Variants in NT5C3B observed in about 807,000 individuals in gnomAD.
NT5C3B encodes 5'-nucleotidase, cytosolic IIIB, also known as 7-methylguanosine phosphate-specific 5'-nucleotidase.
NT5C3B carries 28 observed loss-of-function variants against 32.5 expected under a neutral mutation model. That is an observed-to-expected ratio of 0.86 (90% CI 0.64 to 1.18). The LOEUF is 1.18. Among genes scored for constraint, NT5C3B ranks in the 50% most tolerant of loss-of-function variants. The probability of loss-of-function intolerance (pLI) is 0.00; values close to 1 mark genes in which losing one functional copy is unlikely to be tolerated. For synonymous variants in NT5C3B, 138 were observed against 118.0 expected, an observed-to-expected ratio of 1.17 and a Z score of -1.10; for missense variants, 317 against 322.0, an observed-to-expected ratio of 0.98 and a Z score of 0.12.
Position 41,825,199 on chromosome 17 carries a change from A to T in NT5C3B, c.*324T>A, listed in dbSNP as rs782506799. 1 of 220,600 alleles carries T rather than the reference A, an allele frequency of 4.5e-6. No individual in the cohort carries two copies. Among genetic ancestry groups the T allele is most frequent in the East Asian group, 9.5e-5 (1 of 10,546 alleles). 13.7% of individuals were successfully genotyped at this position (220,600 alleles called of 1,614,324 possible). A position where few individuals can be genotyped will look rare whatever the true frequency, so the allele number is the denominator to read the frequency against. On this transcript the variant is annotated 3_prime_UTR_variant, in exon 9 of 9. Transcript: ENST00000435506. ...GAGCAGCTTTTTTTTCATTTTAAAA[A>T]TTTTGATCTGTTTCACACATTATAT... is the stretch of plus-strand genomic sequence containing the variant.
rs1410921071 is a variant in NT5C3B, at chr17:41,832,469, C to T, written c.237G>A (p.Ala79=). The T allele has an allele frequency of 3.1e-6, 5 of 1,613,060 alleles. No individual in the cohort carries two copies. Among genetic ancestry groups the T allele is most frequent in the African/African-American group, 2.7e-5 (2 of 74,844 alleles). Residue 79 remains alanine (A), a synonymous_variant, in exon 5 of 9, where the codon GCG becomes GCA. Transcript: ENST00000435506. ...ISEECRKELT[A]LLHHYYPIEI... is the part of the protein sequence containing the mutation. ...CAATTGGGTAATAGTGGTGAAGGAG[C>T]GCTGTGAGCTGGGATATCCAAATGG...
In NT5C3B at chr17:41,830,846, T is replaced by G; in HGVS notation, c.359A>C (p.Lys120Thr). ...HNLLCQQKIQKFQIAQVVRES... is the reference protein window; with the variant it reads ...HNLLCQQKIQTFQIAQVVRES... ...TCTAACCACCTGGGCTATCTGAAAC[T>G]TCTGAATCTTCTGCTGACATAGGAG... Residue 120 changes from lysine (K) to threonine (T), a missense_variant, in exon 6 of 9, where the codon AAG becomes ACG. Lys to Thr is a moderately conservative substitution (Grantham distance 78). Transcript: ENST00000435506. The G allele has an allele frequency of 6.2e-7, 1 of 1,611,932 alleles. No individual in the cohort carries two copies. The highest frequency in any genetic ancestry group is 1.3e-5 in the African/African-American group (1 of 74,876).
intron 4 of NT5C3B, among the ~76,000 whole-genome samples, chr17:41,834,210 A>G (rs2048101784): frequency 6.6e-6 from 1 of 152,078 alleles, no homozygotes; most frequent in Non-Finnish European, 1.5e-5. Context: ...AGCCTGACCA[A>G]CATGGAGAAA....
intron 8 of NT5C3B, among the ~76,000 whole-genome samples, chr17:41,826,369 A>G (rs141189452): frequency 4.3e-4 from 65 of 152,200 alleles, no homozygotes; most frequent in Admixed American, 1.1e-3. Flanking sequence ...AACTACAGGC[A>G]TGCTAACCAC....
At chr17:41,830,493 G>A (rs1164530338) in intron 6 of NT5C3B, among the ~76,000 whole-genome samples, 1 of 152,120 alleles carries the variant, frequency 6.6e-6, no homozygotes, top group African/African-American at 2.4e-5. Context: ...TGGCGACAGA[G>A]CGAGATTCTG....
chr17:41,825,823 C>T (rs1048255641), intron 8 of NT5C3B, among the ~76,000 whole-genome samples, 166 bp from the exon 9 acceptor site: 3 of 152,204 alleles, frequency 2.0e-5, no homozygotes, highest in Admixed American at 2.0e-4. Context: ...CCTTTGGAGA[C>T]AGACGAGGGA....
intron 4 of NT5C3B, among the ~76,000 whole-genome samples, chr17:41,834,615 T>G (rs1555619518): frequency 6.6e-6 from 1 of 152,046 alleles, no homozygotes; most frequent in African/African-American, 2.4e-5. Flanking sequence ...AGGTGTAATG[T>G]TACATGCTTG....
At chr17:41,826,999 CAAAA>C (rs34220910) in intron 8 of NT5C3B, among the ~76,000 whole-genome samples, 7 of 118,820 alleles carry the variant, frequency 5.9e-5, no homozygotes, top group Admixed American at 1.7e-4. Context: ...GACTCTATCT[CAAAA>C]AAAAAAAAAA....
intron 4 of NT5C3B, among the ~76,000 whole-genome samples, chr17:41,833,949 C>A (rs2048095279): frequency 6.6e-6 from 1 of 152,178 alleles, no homozygotes; most frequent in Non-Finnish European, 1.5e-5. Context: ...TTAATACATG[C>A]ATGATTCTCA....
At chr17:41,827,677 G>A in intron 7 of NT5C3B, 51 bp from the exon 8 acceptor site, 1 of 787,978 alleles carries the variant, frequency 1.3e-6, no homozygotes. Flanking sequence ...GACCCATGTG[G>A]CACCAGCTCT....
chr17:41,836,133 G>A (rs1307162327), intron 1 of NT5C3B, 49 bp downstream of exon 1: 31 of 1,322,508 alleles, frequency 2.3e-5, no homozygotes, highest in Non-Finnish European at 2.4e-5. Flanking sequence ...AGCGCCCCGG[G>A]GGTCGGAGTC....
intron 4 of NT5C3B, among the ~76,000 whole-genome samples, chr17:41,834,781 G>C (rs1056247075): frequency 8.5e-5 from 13 of 152,112 alleles, no homozygotes; most frequent in Non-Finnish European, 1.5e-5. Flanking sequence ...CTGCCATTTG[G>C]CTGTATGACC....
chr17:41,827,336 A>T (rs1453606445), intron 8 of NT5C3B, 90 bp downstream of exon 8: 2 of 562,798 alleles, frequency 3.6e-6, no homozygotes, highest in Admixed American at 5.7e-5. Context: ...AAATAGAAAT[A>T]AAAAAAGAGA....
chr17:41,829,133 C>T (rs992957687), intron 6 of NT5C3B, among the ~76,000 whole-genome samples, 181 bp from the exon 7 acceptor site: 2 of 152,010 alleles, frequency 1.3e-5, no homozygotes, highest in African/African-American at 2.4e-5. Context: ...GTGATCCACC[C>T]GCCTCAACCT....
At position 41,836,197 on chromosome 17, in the gene NT5C3B, G is replaced by T. The variant is rs1211425770; in HGVS notation, c.-4C>A. 1.6e-6 allele frequency: 2 copies of T among 1,249,874 alleles called. No individual in the cohort carries two copies. The highest frequency in any genetic ancestry group is 2.0e-6 in the Non-Finnish European group (2 of 999,446). 77.4% of individuals were successfully genotyped at this position (1,249,874 alleles called of 1,614,324 possible). A position where few individuals can be genotyped will look rare whatever the true frequency, so the allele number is the denominator to read the frequency against. Reference sequence around the variant, plus strand: ...CCCTCCTCACCTCCTCTGCCATCCCGTTCGAGGCCTGGTCGGCGGCTCGCG... The same window carrying T: ...CCCTCCTCACCTCCTCTGCCATCCCTTTCGAGGCCTGGTCGGCGGCTCGCG... On this transcript the variant is annotated 5_prime_UTR_variant, in exon 1 of 9. Coordinates refer to ENST00000435506, the MANE Select transcript of NT5C3B (RefSeq NM_052935.5).
chr17:41,829,112 C>T (rs185406518), intron 6 of NT5C3B, among the ~76,000 whole-genome samples, 160 bp from the exon 7 acceptor site: 1 of 152,140 alleles, frequency 6.6e-6, no homozygotes, highest in Non-Finnish European at 1.5e-5. Context: ...ACCTCGACCT[C>T]CCGAGTTCAA....
intron 2 of NT5C3B, 126 bp downstream of exon 2, chr17:41,835,733 C>T (rs1453893756): frequency 2.6e-5 from 26 of 1,013,696 alleles, no homozygotes; most frequent in Non-Finnish European, 3.8e-5. Context: ...CCTTCAAGCT[C>T]CCGGCCATTT....
intron 7 of NT5C3B, chr17:41,828,452 C>T: frequency 5.4e-6 from 1 of 186,846 alleles, no homozygotes; most frequent in Non-Finnish European, 1.1e-5. Flanking sequence ...ATTCTCCTGC[C>T]TCAGCCTCGA....
In NT5C3B at chr17:41,835,904, C is replaced by T; in HGVS notation, c.66G>A (p.Gln22=). ...TVLMRQPGRV[Q]EIVGALRKGG... is the part of the protein sequence containing the mutation. ...CCTTGCGGAGGGCGCCCACGATCTC[C>T]TGCACCCGCCCAGGCTGCCGCATCA... The change falls in exon 2 of 9, where the codon CAG becomes CAA. Residue 22 remains glutamine (Q), a synonymous_variant. Transcript: ENST00000435506. 6.2e-7 allele frequency: 1 copy of T among 1,608,780 alleles called. No individual in the cohort carries two copies. Among genetic ancestry groups the T allele is most frequent in the Non-Finnish European group, 8.5e-7 (1 of 1,178,464 alleles).
Sources: allele counts gnomAD v4.1 joint callset (sites outside exome capture counted in the v4.1 genomes callset), GRCh38; gene constraint gnomAD v4.1.1; transcripts MANE v1.5; gene names NCBI Gene and HGNC (gene_info 2026-07-23, HGNC 2026-07-21).